Variants in UNC79 observed in about 807,000 individuals in gnomAD.
The protein encoded by UNC79 is protein unc-79 homolog.
UNC79 carries 37 observed loss-of-function variants against 283.1 expected under a neutral mutation model. The observed-to-expected ratio is 0.13, with a 90% CI of 0.10 to 0.17. The LOEUF is 0.17. Among genes scored for constraint, UNC79 ranks in the 10% least tolerant of loss-of-function variants. The pLI is 1.00. For synonymous variants in UNC79, 1,107 were observed against 1,200.2 expected (o/e 0.92, Z 1.61); for missense variants, 2,272 against 3,211.1 (o/e 0.71, Z 7.07).
chr14:93,570,664 CT>C (rs1566673329), intron 14 of UNC79, among the ~76,000 whole-genome samples: 1 of 152,114 alleles, frequency 6.6e-6, no homozygotes, highest in Non-Finnish European at 1.5e-5. Flanking sequence ...AGCTGTGATA[CT>C]TTTTGTGTCC....
intron 14 of UNC79, among the ~76,000 whole-genome samples, chr14:93,545,654 G>A (rs2061561530): frequency 6.6e-6 from 1 of 152,112 alleles, no homozygotes; most frequent in Non-Finnish European, 1.5e-5. Context: ...CCTTAAAACT[G>A]TTTAGTCATA....
At chr14:93,420,753 G>T (rs1810785947) in intron 1 of UNC79, among the ~76,000 whole-genome samples, 1 of 151,636 alleles carries the variant, frequency 6.6e-6, no homozygotes, top group Non-Finnish European at 1.5e-5. Flanking sequence ...ATAATATCAA[G>T]CACTTTCTCT....
chr14:93,464,011 T>A (rs2057058649), intron 1 of UNC79, among the ~76,000 whole-genome samples: 2 of 151,972 alleles, frequency 1.3e-5, no homozygotes, highest in South Asian at 4.2e-4. Flanking sequence ...TAGCCGGGCG[T>A]GGTGGTGGGC....
At chr14:93,601,921 A>T (rs7155246) in intron 25 of UNC79, among the ~76,000 whole-genome samples, 2,194 of 152,182 alleles carry the variant, frequency 0.014, 52 homozygotes, top group African/African-American at 0.05. Flanking sequence ...TTTTCTATTC[A>T]TGTCCTTTGC....
intron 1 of UNC79, among the ~76,000 whole-genome samples, chr14:93,399,313 T>C (rs2140024599): frequency 6.6e-6 from 1 of 152,240 alleles, no homozygotes; most frequent in South Asian, 2.1e-4. Context: ...TGGGAACTCA[T>C]TTTGGTCACA....
At chr14:93,477,396 T>C (rs1412013807) in intron 3 of UNC79, among the ~76,000 whole-genome samples, 162 bp from the exon 4 acceptor site, 1 of 152,198 alleles carries the variant, frequency 6.6e-6, no homozygotes, top group Non-Finnish European at 1.5e-5. Context: ...AATTACTGTA[T>C]AAATAGTACC....
intron 10 of UNC79, 50 bp from the exon 11 acceptor site, chr14:93,532,500 T>C (rs1467440054): frequency 6.3e-7 from 1 of 1,585,182 alleles, no homozygotes; most frequent in Non-Finnish European, 8.6e-7. Flanking sequence ...AAATAAAAAT[T>C]AGAGGGGCTC....
In UNC79 at chr14:93,467,652, T is replaced by A; in HGVS notation, c.23-19T>A. 9.1e-7 allele frequency: 1 copy of A among 1,098,800 alleles called. No individual in the cohort carries two copies. The highest frequency in any genetic ancestry group is 1.1e-6 in the Non-Finnish European group (1 of 908,264). 68.1% of individuals were successfully genotyped at this position (1,098,800 alleles called of 1,614,324 possible). A position where few individuals can be genotyped will look rare whatever the true frequency, so the allele number is the denominator to read the frequency against. The stretch of plus-strand genomic sequence containing the variant: ...CCTTTTTTTTTTTTTTTTTTTTTTT[T>A]TTTTTTGCTTTTATCTAGTTGCTTC... On this transcript the variant is annotated intron_variant, in intron 1 of 48. Transcript: ENST00000555664.
chr14:93,333,314 T>A (rs2053497569), exon 1 of UNC79: 2 of 399,426 alleles, frequency 5.0e-6, no homozygotes, highest in Non-Finnish European at 8.8e-6. Flanking sequence ...TGACACATTA[T>A]TAAATGTATC....
At chr14:93,447,959 T>A (rs558549455) in intron 1 of UNC79, among the ~76,000 whole-genome samples, 1 of 152,334 alleles carries the variant, frequency 6.6e-6, no homozygotes, top group South Asian at 2.1e-4. Context: ...TGGGCTTCTA[T>A]TGGCATGGGC....
rs557469501 is a variant in UNC79 at position 93,366,343 on chromosome 14, A to G, written c.-351+32820A>G. On this transcript the variant is annotated intron_variant, in intron 1 of 49. Coordinates refer to the UNC79 transcript ENST00000256339. ...TTACACAGAGCAGATCCGAAACAGT[A>G]TCTGTTCAGTGCATCTTTCCATGGC... 1.8e-3 allele frequency among the ~76,000 whole-genome samples: 271 copies of G among 152,328 alleles called. 2 individuals carry two copies. Among genetic ancestry groups the G allele is most frequent in the African/African-American group, 6.2e-3 (259 of 41,570 alleles).
chr14:93,487,603 C>T lies in UNC79; in HGVS notation c.620-60C>T, dbSNP rs149653716. ...TCCTTCTTATCTCTCATGCTCTGTGCAAAGTAACAGGTATATGTAGAGATT... is the reference window on the plus strand; with the variant it reads ...TCCTTCTTATCTCTCATGCTCTGTGTAAAGTAACAGGTATATGTAGAGATT... On this transcript the variant is annotated intron_variant, in intron 4 of 48. Coordinates refer to ENST00000555664, the Ensembl canonical transcript of UNC79. The T allele has an allele frequency of 4.3e-4, 605 of 1,407,888 alleles. 2 individuals carry two copies. In the African/African-American group the frequency reaches 6.9e-3, roughly 16 times the overall value. 87.2% of individuals were successfully genotyped at this position (1,407,888 alleles called of 1,614,324 possible).
upstream of UNC79, among the ~76,000 whole-genome samples, chr14:93,428,190 G>A (rs957628830): frequency 6.6e-6 from 1 of 152,098 alleles, no homozygotes; most frequent in South Asian, 2.1e-4. Flanking sequence ...AGAAATGGAG[G>A]CCACTTATTC....
At chr14:93,340,735 A>C (rs2053690792) in intron 1 of UNC79, among the ~76,000 whole-genome samples, 2 of 151,878 alleles carry the variant, frequency 1.3e-5, no homozygotes, top group African/African-American at 4.8e-5. Flanking sequence ...CCATACCTGG[A>C]TAATTTTTGT....
chr14:93,698,476 G>GTTTTTTTTTTT lies in UNC79; in HGVS notation c.7548+4081_7548+4091dup, dbSNP rs71129655. On this transcript the variant is annotated intron_variant, in intron 47 of 48. Coordinates refer to ENST00000555664, the Ensembl canonical transcript of UNC79. Reference sequence around the variant, plus strand: ...TGGTAATATTTTTAGTTTAGTTTAGGTTTTTTTTTTTTTTTTTTTTTTTTT... The same window carrying GTTTTTTTTTTT: ...TGGTAATATTTTTAGTTTAGTTTAGGTTTTTTTTTTTTTTTTTTTTTTTTTTTTTTTTTTTT... 3.3e-4 allele frequency among the ~76,000 whole-genome samples: 26 copies of GTTTTTTTTTTT among 79,108 alleles called. 3 individuals are homozygous for GTTTTTTTTTTT. Among genetic ancestry groups the GTTTTTTTTTTT allele is most frequent in the Non-Finnish European group, 5.9e-4 (23 of 39,090 alleles). The allele number at this position is 79,108 out of a possible 152,430, so 51.9% of individuals were successfully genotyped here.
chr14:93,452,230 T>G (rs1244876686), intron 1 of UNC79, among the ~76,000 whole-genome samples: 1 of 152,188 alleles, frequency 6.6e-6, no homozygotes. Context: ...CTTTTCGTTC[T>G]TTTTTCACAC....
intron 1 of UNC79, among the ~76,000 whole-genome samples, chr14:93,396,600 T>C (rs947578594): frequency 6.6e-6 from 1 of 152,314 alleles, no homozygotes; most frequent in Non-Finnish European, 1.5e-5. Context: ...TGCTACTGTT[T>C]GTTTTAGTGT....
At chr14:93,586,079 A>G (rs937720886) in intron 20 of UNC79, among the ~76,000 whole-genome samples, 10 of 152,086 alleles carry the variant, frequency 6.6e-5, no homozygotes, top group Non-Finnish European at 8.8e-5. Flanking sequence ...ATGGGGTTTC[A>G]CCATGTTGGC....
At chr14:93,677,310 G>A (rs1379241011) in intron 41 of UNC79, among the ~76,000 whole-genome samples, 2 of 152,258 alleles carry the variant, frequency 1.3e-5, no homozygotes, top group East Asian at 3.9e-4. Flanking sequence ...ACCTGAGACT[G>A]GATAATTTAT....
Sources: allele counts gnomAD v4.1 joint callset (sites outside exome capture counted in the v4.1 genomes callset), GRCh38; gene constraint gnomAD v4.1.1; transcripts MANE v1.5; gene names NCBI Gene and HGNC (gene_info 2026-07-23, HGNC 2026-07-21).